TPRG1: variants seen among roughly 807,000 people sequenced by gnomAD.
TPRG1 encodes the protein tumor protein p63 regulated 1, also known as tumor protein p63-regulated gene 1 protein.
In TPRG1, 29 loss-of-function variants were observed where a neutral mutation model predicts 29.3. That is an observed-to-expected ratio of 0.99 (90% CI 0.74 to 1.35). The LOEUF (loss-of-function observed/expected upper bound fraction) is 1.35, where lower values mean the gene tolerates loss of function less well. TPRG1 is among the 40% of genes most tolerant of loss of function. TPRG1 has a pLI of 0.00. For missense variants in TPRG1, 327 were observed against 335.0 expected, an observed-to-expected ratio of 0.98 and a Z score of 0.19; for synonymous variants, 130 against 116.8, an observed-to-expected ratio of 1.11 and a Z score of -0.73.
chr3:189,146,499 G>A (rs1336623178), intron 3 of TPRG1, among the ~76,000 whole-genome samples: 2 of 152,160 alleles, frequency 1.3e-5, no homozygotes. Context: ...TTCCAGGAAG[G>A]CAAGGACCTG....
intron 1 of TPRG1, among the ~76,000 whole-genome samples, chr3:189,204,067 A>G (rs1733940262): frequency 6.6e-6 from 1 of 150,816 alleles, no homozygotes; most frequent in African/African-American, 2.4e-5. Context: ...AAAAAACTGA[A>G]CATCATTTAC....
At position 189,085,588 on chromosome 3, in the gene TPRG1, T is replaced by C. The variant is rs542820531; in HGVS notation, c.-462-41469T>C. 3.9e-5 allele frequency among the ~76,000 whole-genome samples: 6 copies of C among 152,256 alleles called. No individual in the cohort carries two copies. In the South Asian group the frequency reaches 1.2e-3, roughly 32 times the overall value. ...TCCTGGGAGAGTCCTAATTAATATA[T>C]GTTCCTCTCTTAACATGAGCTAATA... is the stretch of plus-strand genomic sequence containing the variant. On this transcript the variant is annotated intron_variant, in intron 4 of 10. Transcript: ENST00000433971.
chr3:189,298,649 C>A (rs1720335424), intron 4 of TPRG1, among the ~76,000 whole-genome samples: 1 of 152,114 alleles, frequency 6.6e-6, no homozygotes, highest in South Asian at 2.1e-4. Flanking sequence ...CACAGAATAC[C>A]CAACCCTTGC....
At chr3:189,219,844 A>G in intron 3 of TPRG1, 8 of 808,220 alleles carry the variant, frequency 9.9e-6, no homozygotes, top group Non-Finnish European at 1.2e-5. Flanking sequence ...CTTCATCTTT[A>G]TAAAAGATAC....
intron 5 of TPRG1, among the ~76,000 whole-genome samples, chr3:189,158,736 G>C (rs1296339039): frequency 6.6e-6 from 1 of 151,996 alleles, no homozygotes; most frequent in African/African-American, 2.4e-5. Context: ...AGCCCATCTC[G>C]TTCAGTTTGT....
chr3:189,068,780 AAG>A (rs112866470), intron 4 of TPRG1, among the ~76,000 whole-genome samples: 5,394 of 152,102 alleles, frequency 0.035, 313 homozygotes, highest in African/African-American at 0.12. Flanking sequence ...TGTCTCAAAA[AAG>A]AGAAAAAGGA....
intron 1 of TPRG1, among the ~76,000 whole-genome samples, chr3:189,180,666 C>T (rs942485835): frequency 1.3e-5 from 2 of 152,204 alleles, no homozygotes; most frequent in African/African-American, 2.4e-5. Flanking sequence ...CAGGGTACAG[C>T]CTCCCTCCCA....
intron 5 of TPRG1, among the ~76,000 whole-genome samples, chr3:189,320,390 T>C (rs994679638): frequency 1.3e-5 from 2 of 152,228 alleles, no homozygotes; most frequent in South Asian, 2.1e-4. Context: ...TTACATATTA[T>C]TTCTGACATT....
At chr3:189,200,092 C>T (rs1275592494) in intron 1 of TPRG1, among the ~76,000 whole-genome samples, 8 of 152,082 alleles carry the variant, frequency 5.3e-5, no homozygotes, top group Admixed American at 5.2e-4. Flanking sequence ...GTATTCTTCC[C>T]CACGGCCCTC....
chr3:189,116,154 G>C (rs1721137904), intron 1 of TPRG1, among the ~76,000 whole-genome samples: 1 of 152,082 alleles, frequency 6.6e-6, no homozygotes, highest in African/African-American at 2.4e-5. Flanking sequence ...CCAAAGAATT[G>C]AAAACAAGGT....
intron 3 of TPRG1, among the ~76,000 whole-genome samples, chr3:189,146,984 C>T (rs1000009433): frequency 2.0e-5 from 3 of 152,190 alleles, no homozygotes; most frequent in Non-Finnish European, 2.9e-5. Flanking sequence ...ATCTGCACAG[C>T]GTCCCCTCTG....
chr3:189,214,324 A>G (rs1735705926), intron 2 of TPRG1, among the ~76,000 whole-genome samples: 2 of 152,232 alleles, frequency 1.3e-5, no homozygotes, highest in Admixed American at 1.3e-4. Flanking sequence ...GAATACAGGA[A>G]GAGAGACCCA....
chr3:189,207,959 G>T lies in TPRG1; in HGVS notation c.210+365G>T, dbSNP rs552116339. Among the ~76,000 whole-genome samples the T allele has an allele frequency of 8.5e-5, 13 of 152,332 alleles. 2 individuals are homozygous for T. Among genetic ancestry groups the T allele is most frequent in the South Asian group, 8.3e-4 (4 of 4,826 alleles). On this transcript the variant is annotated intron_variant, in intron 2 of 5. Coordinates refer to ENST00000345063, the MANE Select transcript of TPRG1 (RefSeq NM_198485.4). ...TCCAGTGAGGGTATTCATTGTTTGT[G>T]TGGAAAAGATATGGATAATGGAGTG...
chr3:189,103,051 C>G (rs981586699), intron 1 of TPRG1, among the ~76,000 whole-genome samples: 1 of 152,150 alleles, frequency 6.6e-6, no homozygotes, highest in African/African-American at 2.4e-5. Flanking sequence ...TCCAGAGCAC[C>G]TGGTACCTAT....
At chr3:189,226,985 A>G (rs1183713068) in intron 3 of TPRG1, among the ~76,000 whole-genome samples, 1 of 151,888 alleles carries the variant, frequency 6.6e-6, no homozygotes, top group Non-Finnish European at 1.5e-5. Flanking sequence ...TTCGCAAAAC[A>G]CACAAACTAT....
At chr3:189,268,965 C>T (rs140294663) in intron 4 of TPRG1, among the ~76,000 whole-genome samples, 21 of 152,258 alleles carry the variant, frequency 1.4e-4, no homozygotes, top group African/African-American at 5.1e-4. Context: ...TGTATTTTCT[C>T]TATGACGAGA....
chr3:189,062,123 C>T (rs1021847770), intron 4 of TPRG1, among the ~76,000 whole-genome samples: 1 of 152,116 alleles, frequency 6.6e-6, no homozygotes, highest in African/African-American at 2.4e-5. Context: ...AGAACAAGAT[C>T]ATGTCTTTTG....
chr3:189,265,160 GGAA>G (rs1361562338), intron 4 of TPRG1, among the ~76,000 whole-genome samples: 1 of 152,186 alleles, frequency 6.6e-6, no homozygotes, highest in African/African-American at 2.4e-5. Flanking sequence ...TGAATAAGGA[GGAA>G]GGCCATAATC....
At chr3:189,027,082 A>C (rs929049613) in intron 4 of TPRG1, among the ~76,000 whole-genome samples, 2 of 152,248 alleles carry the variant, frequency 1.3e-5, no homozygotes, top group Non-Finnish European at 2.9e-5. Flanking sequence ...CCTTGCACGC[A>C]ATGCTATGCA....
Sources: allele counts gnomAD v4.1 joint callset (sites outside exome capture counted in the v4.1 genomes callset), GRCh38; gene constraint gnomAD v4.1.1; transcripts MANE v1.5; gene names NCBI Gene and HGNC (gene_info 2026-07-23, HGNC 2026-07-21).